The following RBL2 variants were observed in gnomAD, a reference collection of about 807,000 sequenced individuals.
RBL2 encodes the protein retinoblastoma-like protein 2.
Under a neutral mutation model 126.0 loss-of-function variants are expected in RBL2, and 56 were observed. The observed-to-expected ratio is 0.44, with a 90% CI of 0.36 to 0.56. RBL2 has a LOEUF of 0.56. Among genes scored for constraint, RBL2 ranks in the 20% least tolerant of loss-of-function variants. The pLI, the probability that RBL2 is intolerant of heterozygous loss-of-function variation, is 0.00. For missense variants in RBL2, 1,229 were observed against 1,398.2 expected (o/e 0.88, Z 1.93); for synonymous variants, 454 against 478.5 (o/e 0.95, Z 0.67).
chr16:53,465,157 T>C (rs1349323546), intron 12 of RBL2, among the ~76,000 whole-genome samples: 1 of 152,204 alleles, frequency 6.6e-6, no homozygotes, highest in African/African-American at 2.4e-5. Context: ...TATAGTGGCA[T>C]AGATTAAATG....
Position 53,470,438 on chromosome 16 carries a change from G to C in RBL2, c.2301G>C (p.Gly767=). Residue 767 remains glycine (G), a synonymous_variant, in exon 16 of 22, where the codon GGG becomes GGC. Transcript: ENST00000262133. ...ITFFPVQVNV[G]GQAQAVTGSI... is the part of the protein sequence containing the mutation. ...TCTTCCCTGTCCAAGTCAATGTTGG[G>C]GGGCAGGCACAAGCTGTGACAGGCT... is the stretch of plus-strand genomic sequence containing the variant. 1.2e-6 allele frequency: 2 copies of C among 1,614,112 alleles called. No homozygotes were observed. The highest frequency in any genetic ancestry group is 1.7e-6 in the Non-Finnish European group (2 of 1,180,010).
chr16:53,466,763 T>C, intron 13 of RBL2: 2 of 250,262 alleles, frequency 8.0e-6, no homozygotes, highest in South Asian at 9.8e-5. Context: ...GTTGCCCAGT[T>C]CCTAACAGGG....
At chr16:53,455,786 C>G (rs2058161452) in intron 8 of RBL2, among the ~76,000 whole-genome samples, 1 of 152,060 alleles carries the variant, frequency 6.6e-6, no homozygotes, top group Non-Finnish European at 1.5e-5. Flanking sequence ...ATAACAAATG[C>G]AAAGCCGTGA....
chr16:53,463,568 T>C (rs888222522), intron 11 of RBL2, among the ~76,000 whole-genome samples: 43 of 143,546 alleles, frequency 3.0e-4, no homozygotes, highest in African/African-American at 1.1e-3. Context: ...TTCCTTTTTT[T>C]TTTTTTTTTT....
At chr16:53,473,643 T>A (rs574219088) in intron 17 of RBL2, among the ~76,000 whole-genome samples, 1 of 152,166 alleles carries the variant, frequency 6.6e-6, no homozygotes, top group Non-Finnish European at 1.5e-5. Context: ...TTTATTTCTT[T>A]TTCTTTCCTA....
intron 17 of RBL2, among the ~76,000 whole-genome samples, chr16:53,473,419 C>T (rs1468857129): frequency 1.3e-5 from 2 of 150,718 alleles, no homozygotes; most frequent in Non-Finnish European, 3.0e-5. Context: ...AAATTTATTC[C>T]TATTCTTGTT....
At chr16:53,447,007 G>T in intron 3 of RBL2, 35 bp from the exon 4 acceptor site, 1 of 1,331,930 alleles carries the variant, frequency 7.5e-7, no homozygotes, top group Non-Finnish European at 1.0e-6. Flanking sequence ...TGATTCTTCT[G>T]TTGTCTCATG....
chr16:53,451,582 T>C (rs910342890), intron 4 of RBL2, 121 bp from the exon 5 acceptor site: 37 of 1,087,458 alleles, frequency 3.4e-5, no homozygotes, highest in African/African-American at 2.2e-4. Context: ...AAAACACTTA[T>C]TGTAATGAGT....
intron 11 of RBL2, among the ~76,000 whole-genome samples, chr16:53,463,079 G>A (rs1466874674): frequency 6.6e-6 from 1 of 152,168 alleles, no homozygotes; most frequent in Non-Finnish European, 1.5e-5. Context: ...GACGTCAGGT[G>A]GTCCGCATGC....
At chr16:53,481,640 T>G (rs1388014081) in intron 20 of RBL2, 31 bp from the exon 21 acceptor site, 2 of 1,487,622 alleles carry the variant, frequency 1.3e-6, no homozygotes, top group South Asian at 1.3e-5. Flanking sequence ...AATTTTTTTC[T>G]TAGAATTACT....
At chr16:53,458,617 T>C (rs2058190491) in intron 8 of RBL2, among the ~76,000 whole-genome samples, 1 of 152,238 alleles carries the variant, frequency 6.6e-6, no homozygotes, top group Non-Finnish European at 1.5e-5. Flanking sequence ...TAATTCATTT[T>C]AACGCTGCTG....
chr16:53,470,246 C>T (rs575896975), intron 15 of RBL2, 61 bp downstream of exon 15: 84 of 1,562,430 alleles, frequency 5.4e-5, no homozygotes, highest in Middle Eastern at 1.7e-4. Context: ...AAAAGTTACC[C>T]GAGGTTTGGC....
chr16:53,474,271 G>A (rs1235779556), intron 17 of RBL2, among the ~76,000 whole-genome samples: 2 of 151,712 alleles, frequency 1.3e-5, no homozygotes, highest in South Asian at 2.1e-4. Context: ...GATTATAGGC[G>A]TGAGCCACTG....
At chr16:53,489,950 A>G (rs1961345072) in intron 21 of RBL2, 180 bp from the exon 22 acceptor site, 2 of 422,660 alleles carry the variant, frequency 4.7e-6, no homozygotes, top group Non-Finnish European at 8.1e-6. Flanking sequence ...TCAAATAGCC[A>G]TCGGCCTCAG....
chr16:53,444,645 C>A (rs2153139090), intron 3 of RBL2, among the ~76,000 whole-genome samples: 1 of 151,940 alleles, frequency 6.6e-6, no homozygotes, highest in East Asian at 1.9e-4. Flanking sequence ...GTCAGGAGTT[C>A]AAGACTAGCC....
chr16:53,439,268 T>G, intron 2 of RBL2, 122 bp downstream of exon 2: 1 of 861,060 alleles, frequency 1.2e-6, no homozygotes, highest in Non-Finnish European at 1.6e-6. Context: ...CTGGTGAAAT[T>G]AGATGCTAAA....
chr16:53,457,277 T>TTTTTTTTTTTTTTTTTTAG (rs1213898728), intron 8 of RBL2, among the ~76,000 whole-genome samples: 1 of 139,884 alleles, frequency 7.1e-6, no homozygotes. Context: ...TTTTTTTTTT[T>TTTTTTTTTTTTTTTTTTAG]GAGATGGAGT....
chr16:53,435,069 A>T (rs1396005063), intron 1 of RBL2, among the ~76,000 whole-genome samples: 1 of 152,252 alleles, frequency 6.6e-6, no homozygotes, highest in South Asian at 2.1e-4. Context: ...CGTTGAGGAA[A>T]ATGGGTGTGT....
In RBL2 at chr16:53,491,375, C is replaced by T. The variant is rs1961441465; in HGVS notation, c.*1075C>T. On this transcript the variant is annotated 3_prime_UTR_variant, in exon 22 of 22. Coordinates refer to ENST00000262133, the MANE Select transcript of RBL2 (RefSeq NM_005611.4). ...ATACAAATTAGAAAATGTTATTTAACAGCTGAATTATCTATACATATCTTT... is the reference window on the plus strand; with the variant it reads ...ATACAAATTAGAAAATGTTATTTAATAGCTGAATTATCTATACATATCTTT... 1 of 152,160 alleles carries T rather than the reference C, an allele frequency of 6.6e-6. No individual in the cohort carries two copies. The highest frequency in any genetic ancestry group is 1.5e-5 in the Non-Finnish European group (1 of 68,016). 9.4% of individuals were successfully genotyped at this position (152,160 alleles called of 1,614,324 possible).
Sources: gnomAD v4.1 joint callset for allele counts (sites outside exome capture counted in the v4.1 genomes callset) on GRCh38, gnomAD v4.1.1 for gene constraint, MANE v1.5 for transcripts, NCBI Gene and HGNC (gene_info 2026-07-23, HGNC 2026-07-21) for gene names.